GRB14: variants seen among roughly 807,000 people sequenced by gnomAD.
GRB14 encodes growth factor receptor-bound protein 14.
A neutral mutation model predicts 69.1 loss-of-function variants in GRB14; 38 were observed. That is an observed-to-expected ratio of 0.55 (90% CI 0.42 to 0.72). The LOEUF is 0.72. Ranked by LOEUF, GRB14 falls within the 30% of genes least tolerant of loss-of-function variation. The pLI, the probability that GRB14 is intolerant of heterozygous loss-of-function variation, is 0.00. For synonymous variants in GRB14, 247 were observed against 241.3 expected (o/e 1.02, Z -0.22); for missense variants, 666 against 666.1 (o/e 1.00, Z 0.00).
chr2:164,621,034 A>G lies in GRB14; in HGVS notation c.191+85T>C, dbSNP rs1690445727. 3.5e-6 allele frequency: 4 copies of G among 1,150,900 alleles called. No homozygotes were observed. The South Asian group carries it at 1.8e-4, about 52-fold the overall frequency. The allele number at this position is 1,150,900 out of a possible 1,614,324, so 71.3% of individuals were successfully genotyped here. On this transcript the variant is annotated intron_variant, in intron 1 of 13. Coordinates refer to ENST00000263915, the MANE Select transcript of GRB14 (RefSeq NM_004490.3). This position sits in a 1 kb window ranked among gnomAD's most constrained non-coding sequence, Gnocchi z 6.0. ...ACAAACTTGGCCCAGCTCTGGGCAC[A>G]TGGCTCACCCCCTAGGACCGCCTCC...
chr2:164,532,165 C>T (rs1273363211), intron 3 of GRB14, among the ~76,000 whole-genome samples: 6 of 152,174 alleles, frequency 3.9e-5, no homozygotes, highest in Non-Finnish European at 8.8e-5. Flanking sequence ...AAACCTTCAA[C>T]TGAACACATT....
chr2:164,536,218 T>A (rs1348049175), intron 3 of GRB14, among the ~76,000 whole-genome samples: 1 of 152,206 alleles, frequency 6.6e-6, no homozygotes, highest in Non-Finnish European at 1.5e-5. Context: ...TCTTAGACCC[T>A]GGGTTACAAA....
intron 2 of GRB14, among the ~76,000 whole-genome samples, chr2:164,563,029 T>C (rs1688873757): frequency 1.3e-5 from 2 of 152,248 alleles, no homozygotes; most frequent in African/African-American, 4.8e-5. Context: ...TTAGCAAGAA[T>C]GAGAACTCTG....
chr2:164,546,209 T>C (rs1468390822), intron 3 of GRB14, among the ~76,000 whole-genome samples: 1 of 152,206 alleles, frequency 6.6e-6, no homozygotes, highest in Non-Finnish European at 1.5e-5. Context: ...GAGGGGTGGG[T>C]AAATTATAAA....
Position 164,580,579 on chromosome 2 carries a change from C to T in GRB14, c.325-32763G>A, listed in dbSNP as rs116177873. On this transcript the variant is annotated intron_variant, in intron 2 of 13. Transcript: ENST00000263915. ...ATTAGCCAGGTGTGGTGGTGTGCAC[C>T]TGCAATCCCAATTACTCAGGAGGCT... Among the ~76,000 whole-genome samples the T allele has an allele frequency of 7.2e-3, 1,099 of 152,008 alleles. 2 individuals are homozygous for T. Among genetic ancestry groups the T allele is most frequent in the Non-Finnish European group, 9.7e-3 (659 of 67,976 alleles).
At chr2:164,618,974 A>G (rs1018604141) in intron 2 of GRB14, among the ~76,000 whole-genome samples, 1 of 152,204 alleles carries the variant, frequency 6.6e-6, no homozygotes, top group Admixed American at 6.5e-5. Context: ...CAAGAGATGA[A>G]TTATTCTATG....
chr2:164,600,403 A>T (rs1447364791), intron 2 of GRB14, among the ~76,000 whole-genome samples: 1 of 152,228 alleles, frequency 6.6e-6, no homozygotes, highest in Non-Finnish European at 1.5e-5. Context: ...AAGCATGTGG[A>T]TGTATGAGTA....
chr2:164,599,349 A>T (rs1689862003), intron 2 of GRB14, among the ~76,000 whole-genome samples: 1 of 152,254 alleles, frequency 6.6e-6, no homozygotes, highest in Non-Finnish European at 1.5e-5. Context: ...AGGATAGGAC[A>T]TAGATTTCCT....
intron 3 of GRB14, among the ~76,000 whole-genome samples, chr2:164,537,272 G>C (rs141184539): frequency 1.3e-5 from 2 of 152,090 alleles, no homozygotes; most frequent in Admixed American, 6.5e-5. Context: ...TTAAGAAAAG[G>C]CTGGGGTTTT....
intron 6 of GRB14, among the ~76,000 whole-genome samples, chr2:164,513,437 A>AC (rs1289169723): frequency 1.3e-5 from 2 of 152,230 alleles, no homozygotes; most frequent in Non-Finnish European, 2.9e-5. Context: ...AAATCCAATG[A>AC]CAAGTGTTGT....
At chr2:164,573,804 T>G in intron 2 of GRB14, 1 of 1,612,944 alleles carries the variant, frequency 6.2e-7, no homozygotes, top group South Asian at 1.1e-5. Context: ...ATTAACATGT[T>G]GGCAGATAAA....
At chr2:164,597,322 T>C (rs888477514) in intron 2 of GRB14, among the ~76,000 whole-genome samples, 3 of 152,302 alleles carry the variant, frequency 2.0e-5, no homozygotes, top group East Asian at 3.9e-4. Context: ...AGTGCAGATA[T>C]ATATTAATAA....
intron 2 of GRB14, among the ~76,000 whole-genome samples, chr2:164,602,799 T>C (rs991296653): frequency 1.3e-5 from 2 of 152,188 alleles, no homozygotes; most frequent in Admixed American, 6.5e-5. Context: ...GTAATTGACC[T>C]GGTAGATTAT....
At chr2:164,557,550 C>T (rs763725615) in intron 2 of GRB14, among the ~76,000 whole-genome samples, 1 of 152,192 alleles carries the variant, frequency 6.6e-6, no homozygotes, top group African/African-American at 2.4e-5. Context: ...GCTACAATAA[C>T]AGAAAGTCAT....
At position 164,525,107 on chromosome 2, in the gene GRB14, C is replaced by T. The variant is rs56222958; in HGVS notation, c.604-29G>A. ...TCAAAAAGACACAGTTAAATTATCA[C>T]AAAATTCATGCTAGAAAAGATTCAA... is the stretch of plus-strand genomic sequence containing the variant. On this transcript the variant is annotated intron_variant, in intron 4 of 13. Coordinates refer to ENST00000263915, the MANE Select transcript of GRB14 (RefSeq NM_004490.3). The T allele has an allele frequency of 4.6e-3, 6,265 of 1,359,034 alleles. 209 individuals carry two copies. The African/African-American group carries it at 0.081, about 18-fold the overall frequency. 84.2% of individuals were successfully genotyped at this position (1,359,034 alleles called of 1,614,324 possible).
intron 2 of GRB14, among the ~76,000 whole-genome samples, chr2:164,579,289 AC>A (rs1403984191): frequency 6.6e-6 from 1 of 152,156 alleles, no homozygotes; most frequent in Non-Finnish European, 1.5e-5. Flanking sequence ...CTAAATAAAG[AC>A]CCAAAACACT....
At chr2:164,567,372 G>T (rs1689003243) in intron 2 of GRB14, among the ~76,000 whole-genome samples, 1 of 152,116 alleles carries the variant, frequency 6.6e-6, no homozygotes, top group Admixed American at 6.5e-5. Flanking sequence ...CACTTTAACT[G>T]TTAGATTTGC....
At chr2:164,531,798 C>T (rs376365400) in intron 3 of GRB14, among the ~76,000 whole-genome samples, 10 of 152,060 alleles carry the variant, frequency 6.6e-5, no homozygotes, top group East Asian at 3.9e-4. Context: ...TGTAAGACTC[C>T]GGATAGGTTT....
chr2:164,605,385 G>A (rs1011891248), intron 2 of GRB14, among the ~76,000 whole-genome samples: 1 of 152,204 alleles, frequency 6.6e-6, no homozygotes, highest in Non-Finnish European at 1.5e-5. Context: ...TTTGGAATCT[G>A]CTGAGTTTGA....
Sources: allele counts gnomAD v4.1 joint callset (sites outside exome capture counted in the v4.1 genomes callset), GRCh38; gene constraint gnomAD v4.1.1; non-coding constraint Gnocchi (gnomAD v3.1); transcripts MANE v1.5; gene names NCBI Gene and HGNC (gene_info 2026-07-23, HGNC 2026-07-21).